ZNF385D: variants seen among roughly 807,000 people sequenced by gnomAD.
The protein encoded by ZNF385D is zinc finger protein 659.
A neutral mutation model predicts 35.8 loss-of-function variants in ZNF385D; 15 were observed. The observed-to-expected ratio is 0.42, with a 90% CI of 0.28 to 0.64. The LOEUF is 0.64. Ranked by LOEUF, ZNF385D falls within the 30% of genes least tolerant of loss-of-function variation. The probability of loss-of-function intolerance (pLI) is 0.23; values close to 1 mark genes in which losing one functional copy is unlikely to be tolerated. For synonymous variants in ZNF385D, 212 were observed against 186.8 expected, an observed-to-expected ratio of 1.13 and a Z score of -1.10; for missense variants, 474 against 494.6, an observed-to-expected ratio of 0.96 and a Z score of 0.39.
chr3:21,770,376 T>A (rs1301595235), intron 3 of ZNF385D, among the ~76,000 whole-genome samples: 3 of 151,810 alleles, frequency 2.0e-5, no homozygotes, highest in African/African-American at 7.3e-5. Flanking sequence ...TACAAAGAAC[T>A]CAAACAAATT....
intron 2 of ZNF385D, among the ~76,000 whole-genome samples, chr3:22,204,434 C>T (rs1697011741): frequency 6.6e-6 from 1 of 152,048 alleles, no homozygotes; most frequent in Non-Finnish European, 1.5e-5. Context: ...ATTAGCACTA[C>T]TTTTCAATGC....
At chr3:21,859,425 AAAC>A (rs1409736504) in intron 3 of ZNF385D, among the ~76,000 whole-genome samples, 2 of 151,912 alleles carry the variant, frequency 1.3e-5, no homozygotes, top group African/African-American at 4.8e-5. Context: ...AAAAAACTGA[AAAC>A]AATAAAGGGA....
At chr3:22,124,517 G>A (rs1703312888) in intron 3 of ZNF385D, among the ~76,000 whole-genome samples, 2 of 152,036 alleles carry the variant, frequency 1.3e-5, no homozygotes, top group South Asian at 4.1e-4. Flanking sequence ...TTTCTCCATA[G>A]TGGCTGTACT....
rs1193111913 is a variant in ZNF385D at position 21,414,967 on chromosome 3, T to G, written c.*6247A>C. ...TCTCACGAAGGGTCTTTATCCAATATTAGTTGCCCCTAGCCCTAGGGTCCT... is the reference window on the plus strand; with the variant it reads ...TCTCACGAAGGGTCTTTATCCAATAGTAGTTGCCCCTAGCCCTAGGGTCCT... On this transcript the variant is annotated 3_prime_UTR_variant, in exon 8 of 8. Transcript: ENST00000281523. 1 of 152,100 alleles carries G rather than the reference T, an allele frequency of 6.6e-6. No homozygotes were observed. The highest frequency in any genetic ancestry group is 1.5e-5 in the Non-Finnish European group (1 of 68,000). 9.4% of individuals were successfully genotyped at this position (152,100 alleles called of 1,614,324 possible).
At chr3:22,161,101 G>C (rs570501118) in intron 3 of ZNF385D, among the ~76,000 whole-genome samples, 1 of 151,890 alleles carries the variant, frequency 6.6e-6, no homozygotes, top group South Asian at 2.1e-4. Context: ...TTCCATTATA[G>C]AATATATCAC....
chr3:21,961,382 A>T (rs1702583494), intron 3 of ZNF385D: 1 of 152,160 alleles, frequency 6.6e-6, no homozygotes, highest in Non-Finnish European at 1.5e-5. Context: ...ATAAAATTTT[A>T]AATTAATTCT....
intron 2 of ZNF385D, among the ~76,000 whole-genome samples, chr3:21,566,271 G>A (rs2063143757): frequency 6.6e-6 from 1 of 151,924 alleles, no homozygotes; most frequent in Non-Finnish European, 1.5e-5. Context: ...ATTAATCCTT[G>A]CCCAAATTCT....
At chr3:22,185,246 A>G (rs1464025240) in intron 2 of ZNF385D, among the ~76,000 whole-genome samples, 1 of 152,202 alleles carries the variant, frequency 6.6e-6, no homozygotes, top group East Asian at 1.9e-4. Flanking sequence ...AAATACTAAG[A>G]GAACATTTGA....
chr3:21,648,549 C>G (rs2065821273), intron 2 of ZNF385D, among the ~76,000 whole-genome samples: 1 of 152,124 alleles, frequency 6.6e-6, no homozygotes, highest in Non-Finnish European at 1.5e-5. Flanking sequence ...GGGAGAATCA[C>G]AATCTTCTCT....
intron 2 of ZNF385D, among the ~76,000 whole-genome samples, chr3:21,644,817 A>C (rs1316940936): frequency 3.3e-5 from 5 of 152,322 alleles, no homozygotes; most frequent in Middle Eastern, 3.4e-3. Context: ...GTCTGAGATG[A>C]AACAAGCCAC....
intron 3 of ZNF385D, among the ~76,000 whole-genome samples, chr3:21,897,745 C>T (rs1304848993): frequency 6.6e-6 from 1 of 152,046 alleles, no homozygotes; most frequent in Admixed American, 6.6e-5. Context: ...TGTATGGGTG[C>T]ACAAACAGAA....
At position 21,944,082 on chromosome 3, in the gene ZNF385D, T is replaced by C. The variant is rs189870285; in HGVS notation, c.325+224735A>G. On this transcript the variant is annotated intron_variant, in intron 3 of 5. Transcript: ENST00000494108. ...CCATTTATTTATATTTTCAGCTGTA[T>C]TGTACTTAAGTAAAAGGATAGTTTT... Among the ~76,000 whole-genome samples the C allele has an allele frequency of 6.6e-4, 100 of 152,334 alleles. 1 individual carries two copies. Among genetic ancestry groups the C allele is most frequent in the Admixed American group, 2.2e-3 (34 of 15,298 alleles).
chr3:21,715,998 A>G (rs1444339248), intron 1 of ZNF385D, among the ~76,000 whole-genome samples: 1 of 152,258 alleles, frequency 6.6e-6, no homozygotes, highest in East Asian at 1.9e-4. Context: ...AGCTTCATCT[A>G]TCTAGTTATT....
intron 2 of ZNF385D, among the ~76,000 whole-genome samples, chr3:21,658,081 A>C (rs937991371): frequency 3.3e-5 from 5 of 152,032 alleles, no homozygotes; most frequent in Non-Finnish European, 7.4e-5. Context: ...GTAATATTAT[A>C]AGTGTACATC....
intron 3 of ZNF385D, among the ~76,000 whole-genome samples, chr3:21,985,975 C>G (rs1475990173): frequency 4.3e-5 from 5 of 117,284 alleles, no homozygotes; most frequent in Admixed American, 3.2e-4. Flanking sequence ...GTAGTATTCT[C>G]TGATGGTAGT....
chr3:22,185,006 A>G (rs1445343603), intron 2 of ZNF385D, among the ~76,000 whole-genome samples: 1 of 152,142 alleles, frequency 6.6e-6, no homozygotes, highest in Non-Finnish European at 1.5e-5. Context: ...TTTTAAATAA[A>G]CATGAGTTTT....
intron 3 of ZNF385D, among the ~76,000 whole-genome samples, chr3:21,815,578 A>G (rs1356520288): frequency 6.6e-6 from 1 of 152,228 alleles, no homozygotes; most frequent in African/African-American, 2.4e-5. Context: ...TAGCAAATCT[A>G]GAAGAAATGG....
At chr3:21,772,020 A>G (rs1370288677) in intron 3 of ZNF385D, among the ~76,000 whole-genome samples, 1 of 151,982 alleles carries the variant, frequency 6.6e-6, no homozygotes, top group Non-Finnish European at 1.5e-5. Context: ...AAAACTGGAT[A>G]TCTACAAGCA....
At chr3:21,994,373 C>T (rs1444365435) in intron 3 of ZNF385D, among the ~76,000 whole-genome samples, 1 of 152,060 alleles carries the variant, frequency 6.6e-6, no homozygotes, top group Non-Finnish European at 1.5e-5. Flanking sequence ...TTCTTTAGTT[C>T]CAGAATTTAT....
Sources: gnomAD v4.1 joint callset for allele counts (sites outside exome capture counted in the v4.1 genomes callset) on GRCh38, gnomAD v4.1.1 for gene constraint, MANE v1.5 for transcripts, NCBI Gene and HGNC (gene_info 2026-07-23, HGNC 2026-07-21) for gene names.